The following ASTN2 variants were observed in gnomAD, a reference collection of about 807,000 sequenced individuals.
The protein encoded by ASTN2 is astrotactin-2.
In ASTN2, 54 loss-of-function variants were observed where a neutral mutation model predicts 139.8. That is an observed-to-expected ratio of 0.39 (90% CI 0.31 to 0.48). ASTN2 has a LOEUF of 0.48. ASTN2 is among the 20% of genes least tolerant of loss of function. The pLI, the probability that ASTN2 is intolerant of heterozygous loss-of-function variation, is 0.95. For synonymous variants in ASTN2, 756 were observed against 719.5 expected (o/e 1.05, Z -0.81); for missense variants, 1,565 against 1,725.1 (o/e 0.91, Z 1.64).
rs139721717 is a variant in ASTN2 at position 116,772,067 on chromosome 9, T to C, written c.2396+33565A>G. On this transcript the variant is annotated intron_variant, in intron 13 of 22. Transcript: ENST00000313400. Reference sequence around the variant, plus strand: ...CAAAATATATTAAATATTCTCTCTTTTAAACATCAGAATCCTAGGTTCCCA... The same window carrying C: ...CAAAATATATTAAATATTCTCTCTTCTAAACATCAGAATCCTAGGTTCCCA... 4.7e-3 allele frequency among the ~76,000 whole-genome samples: 717 copies of C among 152,350 alleles called. 5 individuals are homozygous for C. Among genetic ancestry groups the C allele is most frequent in the African/African-American group, 0.017 (696 of 41,580 alleles).
Position 116,609,328 on chromosome 9 carries a change from C to CTATATATATATA in ASTN2, c.3355+8984_3355+8995dup, listed in dbSNP as rs1554720155. The stretch of plus-strand genomic sequence containing the variant: ...TCTCTCTCTCTCTCTCTCTCTCTCT[C>CTATATATATATA]TATATATATATACACACACACACAT... On this transcript the variant is annotated intron_variant, in intron 19 of 22. Transcript: ENST00000313400. 2.8e-3 allele frequency among the ~76,000 whole-genome samples: 348 copies of CTATATATATATA among 122,522 alleles called. 3 individuals carry two copies. The highest frequency in any genetic ancestry group is 0.01 in the African/African-American group (329 of 31,584). The allele number at this position is 122,522 out of a possible 152,430, so 80.4% of individuals were successfully genotyped here. A position where few individuals can be genotyped will look rare whatever the true frequency, so the allele number is the denominator to read the frequency against.
intron 3 of ASTN2, among the ~76,000 whole-genome samples, chr9:117,142,027 T>C (rs1830086762): frequency 6.6e-6 from 1 of 152,130 alleles, no homozygotes; most frequent in Non-Finnish European, 1.5e-5. Context: ...GCGTCCTGGA[T>C]GGAAGGAGAA....
At chr9:116,562,098 G>C (rs534330268) in intron 19 of ASTN2, 1 of 152,218 alleles carries the variant, frequency 6.6e-6, no homozygotes, top group Non-Finnish European at 1.5e-5. Context: ...CAGTCCAGAA[G>C]ATGGGAGAAT....
chr9:117,334,415 T>C (rs1040951660), intron 1 of ASTN2, among the ~76,000 whole-genome samples: 3 of 151,920 alleles, frequency 2.0e-5, no homozygotes, highest in Admixed American at 2.0e-4. Context: ...CATTTATTTT[T>C]AATATGCGGA....
chr9:116,999,645 C>T (rs533025941), intron 7 of ASTN2, among the ~76,000 whole-genome samples: 5 of 145,964 alleles, frequency 3.4e-5, no homozygotes, highest in South Asian at 2.2e-4. Context: ...CTGCAACCTT[C>T]GCCTCTCAGG....
chr9:116,686,742 T>A (rs553229576), intron 16 of ASTN2: 1 of 1,550,580 alleles, frequency 6.4e-7, no homozygotes, highest in Non-Finnish European at 8.7e-7. Context: ...TCCCCAAGTC[T>A]GCCTCTGCTG....
At chr9:117,278,754 G>A (rs970673443) in intron 2 of ASTN2, among the ~76,000 whole-genome samples, 1 of 152,180 alleles carries the variant, frequency 6.6e-6, no homozygotes, top group Admixed American at 6.5e-5. Flanking sequence ...TTTGAATTGG[G>A]TAATTGTTTG....
intron 2 of ASTN2, among the ~76,000 whole-genome samples, chr9:117,252,282 G>A (rs898826289): frequency 9.9e-5 from 15 of 152,164 alleles, no homozygotes; most frequent in Non-Finnish European, 1.5e-4. Context: ...CTTATCTGTG[G>A]CCAGAACTCT....
At chr9:116,729,222 G>T (rs1828714080) in intron 14 of ASTN2, 126 bp from the exon 15 acceptor site, 2 of 711,924 alleles carry the variant, frequency 2.8e-6, no homozygotes, top group South Asian at 1.9e-5. Flanking sequence ...CACTGGGATT[G>T]ACAATTTTAT....
At position 116,689,485 on chromosome 9, in the gene ASTN2, C is replaced by T. The variant is rs575937203; in HGVS notation, c.2806+36286G>A. On this transcript the variant is annotated intron_variant, in intron 16 of 22. Transcript: ENST00000313400. Reference sequence around the variant, plus strand: ...CCTTCTAAGTAGGCTCTACTGTATTCAGTTTTACACATGAGGAAACTAAGG... The same window carrying T: ...CCTTCTAAGTAGGCTCTACTGTATTTAGTTTTACACATGAGGAAACTAAGG... Among the ~76,000 whole-genome samples, 8 of 152,246 alleles carry T rather than the reference C, an allele frequency of 5.3e-5. No homozygotes were observed. In the East Asian group the frequency reaches 1.5e-3, roughly 29 times the overall value.
At chr9:117,356,286 G>A (rs1355313786) in intron 1 of ASTN2, among the ~76,000 whole-genome samples, 2 of 152,172 alleles carry the variant, frequency 1.3e-5, no homozygotes, top group Admixed American at 1.3e-4. Flanking sequence ...GACTTTTCCA[G>A]GGAGATAAAT....
intron 19 of ASTN2, among the ~76,000 whole-genome samples, chr9:116,590,206 C>T (rs1038457403): frequency 6.6e-6 from 1 of 152,224 alleles, no homozygotes; most frequent in African/African-American, 2.4e-5. Flanking sequence ...CACACAGTTG[C>T]AGCTGTGGAT....
intron 5 of ASTN2, among the ~76,000 whole-genome samples, chr9:117,078,671 T>C (rs1317936795): frequency 6.6e-6 from 1 of 152,230 alleles, no homozygotes; most frequent in Non-Finnish European, 1.5e-5. Context: ...CTTAACCATC[T>C]ATGCCTTGGT....
At chr9:117,179,787 A>T (rs906175676) in intron 3 of ASTN2, among the ~76,000 whole-genome samples, 3 of 151,862 alleles carry the variant, frequency 2.0e-5, no homozygotes, top group Non-Finnish European at 4.4e-5. Context: ...TGTCATTCAG[A>T]CCCCACTGCA....
At chr9:117,121,761 T>A (rs1451206820) in intron 4 of ASTN2, among the ~76,000 whole-genome samples, 1 of 152,216 alleles carries the variant, frequency 6.6e-6, no homozygotes, top group Non-Finnish European at 1.5e-5. Context: ...GGTTTCTGCA[T>A]CTGGGGAAGC....
intron 16 of ASTN2, among the ~76,000 whole-genome samples, chr9:116,718,718 C>T (rs560654792): frequency 1.3e-5 from 2 of 151,932 alleles, no homozygotes; most frequent in African/African-American, 2.4e-5. Context: ...TTTTTCCTGC[C>T]TCTGGACTCC....
chr9:116,783,853 A>G (rs1830289854), intron 13 of ASTN2, among the ~76,000 whole-genome samples: 1 of 152,230 alleles, frequency 6.6e-6, no homozygotes, highest in East Asian at 1.9e-4. Flanking sequence ...ATCGATGGAC[A>G]TAAGAAAAAT....
intron 16 of ASTN2, among the ~76,000 whole-genome samples, chr9:116,702,717 T>G (rs1053998413): frequency 2.0e-5 from 3 of 152,190 alleles, no homozygotes; most frequent in Non-Finnish European, 4.4e-5. Flanking sequence ...GTTTAAAAGC[T>G]AGTGGCAAAC....
At chr9:116,433,540 T>C (rs1847560740) in intron 22 of ASTN2, among the ~76,000 whole-genome samples, 1 of 152,238 alleles carries the variant, frequency 6.6e-6, no homozygotes, top group Admixed American at 6.5e-5. Context: ...TTATTTTATA[T>C]ATTTCTGTAT....
Sources: allele counts gnomAD v4.1 joint callset (sites outside exome capture counted in the v4.1 genomes callset), GRCh38; gene constraint gnomAD v4.1.1; transcripts MANE v1.5; gene names NCBI Gene and HGNC (gene_info 2026-07-23, HGNC 2026-07-21).